Variants in UTP20 observed in about 807,000 individuals in gnomAD.
UTP20 encodes the protein small subunit processome component 20 homolog.
UTP20 carries 164 observed loss-of-function variants against 329.5 expected under a neutral mutation model. The ratio of observed to expected loss-of-function variants is 0.50; its 90% CI spans 0.44 to 0.57. The LOEUF is 0.57. Ranked by LOEUF, UTP20 falls within the 20% of genes least tolerant of loss-of-function variation. The probability of loss-of-function intolerance (pLI) is 0.00; values close to 1 mark genes in which losing one functional copy is unlikely to be tolerated. For synonymous variants in UTP20, 1,151 were observed against 1,159.3 expected, an observed-to-expected ratio of 0.99 and a Z score of 0.14; for missense variants, 3,055 against 3,284.2, an observed-to-expected ratio of 0.93 and a Z score of 1.71.
At position 101,385,006 on chromosome 12, in the gene UTP20, G is replaced by A. The variant is rs548663361; in HGVS notation, c.8057-577G>A. ...AGCTCCTGTGAAATTGAAATTGGGG[G>A]TTATTTGTATATAGGGGTGAGTGGC... On this transcript the variant is annotated intron_variant, in intron 60 of 61. Coordinates refer to ENST00000261637, the MANE Select transcript of UTP20 (RefSeq NM_014503.3). Among the ~76,000 whole-genome samples the A allele has an allele frequency of 6.0e-5, 9 of 151,156 alleles. No homozygotes were observed. In the South Asian group the frequency reaches 6.3e-4, roughly 11 times the overall value.
In UTP20 at chr12:101,352,176, A is replaced by G. The variant is rs556112079; in HGVS notation, c.5006A>G (p.Asn1669Ser). Residue 1669 changes from asparagine to serine, a missense_variant, in exon 39 of 62, where the codon AAT (asparagine) becomes AGT (serine). Coordinates refer to ENST00000261637, the MANE Select transcript of UTP20 (RefSeq NM_014503.3). ...FIHVLQTGQI[N>S]QKLGVSLLVI... Reference sequence around the variant, plus strand: ...CATGTCTTACAAACGGGACAGATCAATCAAAAACTGGGTGTCAGGTGTGGT... The same window carrying G: ...CATGTCTTACAAACGGGACAGATCAGTCAAAAACTGGGTGTCAGGTGTGGT... 1.2e-6 allele frequency: 2 copies of G among 1,607,522 alleles called. No homozygotes were observed. The highest frequency in any genetic ancestry group is 1.3e-5 in the African/African-American group (1 of 74,660).
At chr12:101,305,308 C>T (rs1424610548) in intron 15 of UTP20, among the ~76,000 whole-genome samples, 2 of 151,876 alleles carry the variant, frequency 1.3e-5, no homozygotes, top group East Asian at 1.9e-4. Context: ...GCTATATCTA[C>T]AGTATCTAGA....
intron 45 of UTP20, among the ~76,000 whole-genome samples, chr12:101,364,896 C>T (rs1296857880): frequency 6.6e-6 from 1 of 152,108 alleles, no homozygotes; most frequent in East Asian, 1.9e-4. Context: ...AGAGTTAATA[C>T]CATGTCTCAT....
At chr12:101,300,871 C>T (rs867713648) in intron 14 of UTP20, among the ~76,000 whole-genome samples, 15 of 152,036 alleles carry the variant, frequency 9.9e-5, no homozygotes, top group South Asian at 2.1e-4. Flanking sequence ...TGGATTGTGG[C>T]GACATATTAG....
intron 11 of UTP20, 115 bp from the exon 12 acceptor site, chr12:101,295,365 G>T (rs1872313604): frequency 6.4e-6 from 6 of 936,596 alleles, no homozygotes; most frequent in Non-Finnish European, 9.3e-6. Context: ...CTATGTAGAG[G>T]TCTAATGCCA....
At position 101,370,938 on chromosome 12, in the gene UTP20, C is replaced by G. The variant is rs1870264607; in HGVS notation, c.6688-120C>G. ...TTGTGCTTAAGTGTCTATCCTTTTT[C>G]TTTTGAAGATACTTTCTTGTGTTTG... On this transcript the variant is annotated intron_variant, in intron 50 of 61. Transcript: ENST00000261637. 5.0e-6 allele frequency: 4 copies of G among 803,532 alleles called. No homozygotes were observed. The South Asian group carries it at 7.1e-5, about 14-fold the overall frequency. 49.8% of individuals were successfully genotyped at this position (803,532 alleles called of 1,614,324 possible).
At chr12:101,376,223 C>T (rs1376143368) in intron 56 of UTP20, among the ~76,000 whole-genome samples, 1 of 152,102 alleles carries the variant, frequency 6.6e-6, no homozygotes, top group Non-Finnish European at 1.5e-5. Context: ...CCTAAGTAAG[C>T]ATATTACTAT....
intron 31 of UTP20, among the ~76,000 whole-genome samples, chr12:101,339,356 T>C (rs1869044873): frequency 6.6e-6 from 1 of 152,094 alleles, no homozygotes; most frequent in Non-Finnish European, 1.5e-5. Context: ...AATTATTATC[T>C]TGTTTTTCAG....
intron 36 of UTP20, 67 bp downstream of exon 36, chr12:101,344,817 C>G: frequency 6.9e-7 from 1 of 1,445,326 alleles, no homozygotes; most frequent in South Asian, 1.3e-5. Context: ...CCCACGTTTG[C>G]TACTGTTGTA....
intron 31 of UTP20, among the ~76,000 whole-genome samples, chr12:101,339,244 C>T (rs1360476645): frequency 6.6e-6 from 1 of 152,032 alleles, no homozygotes; most frequent in African/African-American, 2.4e-5. Context: ...ACCCAGGAGG[C>T]GGAGGTTGCA....
rs1873012856 is a variant in UTP20, at chr12:101,317,557, GA to G, written c.2635del (p.Ile879SerfsTer37). ...RRKGKGMVAE[E>X]IEEEPAAGDD... is the part of the protein sequence containing the mutation. The stretch of plus-strand genomic sequence containing the variant: ...AAAAGGCAAAGGGATGGTGGCAGAG[GA>G]AATCGAAGAGGAACCTGCCGCAGGA... On this transcript the variant is annotated frameshift_variant, in exon 22 of 62. Transcript: ENST00000261637. LOFTEE classifies it high-confidence loss of function. 1 of 1,614,064 alleles carries G rather than the reference GA, an allele frequency of 6.2e-7. No homozygotes were observed. The highest frequency in any genetic ancestry group is 1.7e-5 in the Admixed American group (1 of 59,990).
In UTP20 at chr12:101,346,537, T is replaced by C; in HGVS notation, c.4833T>C (p.Asn1611=). The C allele has an allele frequency of 6.2e-7, 1 of 1,609,568 alleles. No individual in the cohort carries two copies. The highest frequency in any genetic ancestry group is 8.5e-7 in the Non-Finnish European group (1 of 1,178,276). ...KVVLSSKSLQ[N]YIMPYAMTPI... ...TTCTGTCTTCTAAATCTCTTCAGAA[T>C]TACATCATGCCTTATGCCATGACTC... is the stretch of plus-strand genomic sequence containing the variant. Residue 1611 remains asparagine (N), a synonymous_variant, in exon 38 of 62, where the codon AAT becomes AAC. Transcript: ENST00000261637.
chr12:101,281,747 C>T (rs3782850), intron 2 of UTP20, among the ~76,000 whole-genome samples: 19,104 of 152,000 alleles, frequency 0.13, 2,639 homozygotes, highest in East Asian at 0.46. Context: ...GCTCCGTCTC[C>T]AGGTTGGAGT....
intron 25 of UTP20, among the ~76,000 whole-genome samples, chr12:101,323,732 T>C (rs1868457071): frequency 6.7e-6 from 1 of 149,218 alleles, no homozygotes; most frequent in Non-Finnish European, 1.5e-5. Context: ...AATTTGATTA[T>C]TTTATTCATC....
intron 11 of UTP20, among the ~76,000 whole-genome samples, chr12:101,294,296 T>A (rs1023176803): frequency 1.3e-5 from 2 of 151,942 alleles, no homozygotes; most frequent in African/African-American, 4.8e-5. Context: ...CGGCCAGCTA[T>A]TTTTTTCTTA....
chr12:101,350,911 C>T (rs183817943), intron 38 of UTP20, among the ~76,000 whole-genome samples: 52 of 152,240 alleles, frequency 3.4e-4, no homozygotes, highest in Middle Eastern at 6.8e-3. Context: ...TGCTGTGCCC[C>T]GTGGACTCTA....
At chr12:101,295,129 C>T (rs1872306500) in intron 11 of UTP20, among the ~76,000 whole-genome samples, 1 of 152,142 alleles carries the variant, frequency 6.6e-6, no homozygotes, top group South Asian at 2.1e-4. Flanking sequence ...GTGTTCTCTT[C>T]TTCTTATAGT....
At position 101,340,572 on chromosome 12, in the gene UTP20, C is replaced by T; in HGVS notation, c.4063C>T (p.Leu1355Phe). 3 of 1,611,688 alleles carry T rather than the reference C, an allele frequency of 1.9e-6. No homozygotes were observed. Among genetic ancestry groups the T allele is most frequent in the South Asian group, 1.1e-5 (1 of 90,442 alleles). The change falls in exon 32 of 62, where the codon CTT becomes TTT. Residue 1355 changes from leucine to phenylalanine, a missense_variant. Leu to Phe is a conservative substitution (Grantham distance 22, BLOSUM62 0). Transcript: ENST00000261637. ...AGAACAAAGTTCTGTACTCATTACG[C>T]TTCTCCTTCCATTCCTCCACCGTGG... ...DKEQSSVLIT[L>F]LLPFLHRGNI...
chr12:101,352,187 G>A lies in UTP20; in HGVS notation c.5017G>A (p.Gly1673Ser). ...LQTGQINQKL[G>S]VSLLVIVLEA... ...AACGGGACAGATCAATCAAAAACTG[G>A]GTGTCAGGTGTGGTCAAACTTCTTA... Residue 1673 changes from glycine (G) to serine (S), a missense_variant, in exon 39 of 62, where the codon GGT becomes AGT. Around this residue, in one of 3 missense-constraint regions of UTP20, gnomAD observed 2,445 missense variants for 2,575.5 expected, o/e 0.95. Transcript: ENST00000261637. 6.2e-7 allele frequency: 1 copy of A among 1,602,164 alleles called. No homozygotes were observed. Among genetic ancestry groups the A allele is most frequent in the Non-Finnish European group, 8.5e-7 (1 of 1,177,370 alleles).
Sources: gnomAD v4.1 joint callset for allele counts (sites outside exome capture counted in the v4.1 genomes callset) on GRCh38, gnomAD v4.1.1 for gene constraint, gnomAD v4.1.1 regional missense constraint, MANE v1.5 for transcripts, NCBI Gene and HGNC (gene_info 2026-07-23, HGNC 2026-07-21) for gene names.